The following CEP112 variants were observed in gnomAD, a reference collection of about 807,000 sequenced individuals.
CEP112 encodes centrosomal protein 112.
Under a neutral mutation model 153.0 loss-of-function variants are expected in CEP112, and 127 were observed. That is an observed-to-expected ratio of 0.83 (90% confidence interval 0.72 to 0.96). The LOEUF is 0.96. CEP112 is among the 40% of genes least tolerant of loss of function. The probability of loss-of-function intolerance (pLI) is 0.00; values close to 1 mark genes in which losing one functional copy is unlikely to be tolerated. For synonymous variants in CEP112, 358 were observed against 374.4 expected (o/e 0.96, Z 0.51); for missense variants, 1,089 against 1,101.2 (o/e 0.99, Z 0.16).
chr17:65,970,005 CAT>C lies in CEP112; in HGVS notation c.1737-8409_1737-8408del, dbSNP rs1344020556. ...TCACACGCATGTTACACACATATCA[CAT>C]GTGTATTGCGAACATGCACGCCACA... is the stretch of plus-strand genomic sequence containing the variant. On this transcript the variant is annotated intron_variant, in intron 17 of 26. Transcript: ENST00000535342. 8.5e-5 allele frequency among the ~76,000 whole-genome samples: 13 copies of C among 152,284 alleles called. No individual in the cohort carries two copies. In the East Asian group the frequency reaches 1.2e-3, roughly 14 times the overall value.
At chr17:66,049,944 G>A (rs2145905101) in intron 12 of CEP112, among the ~76,000 whole-genome samples, 1 of 152,154 alleles carries the variant, frequency 6.6e-6, no homozygotes, top group East Asian at 1.9e-4. Flanking sequence ...TATAGCATAA[G>A]ACCTAAGAGG....
At chr17:65,969,131 G>C (rs2062531031) in intron 17 of CEP112, among the ~76,000 whole-genome samples, 2 of 145,994 alleles carry the variant, frequency 1.4e-5, no homozygotes, top group Non-Finnish European at 1.5e-5. Context: ...ACCCCAGCTA[G>C]AGTGCAGTGG....
At chr17:65,860,511 T>G (rs938719249) in intron 20 of CEP112, among the ~76,000 whole-genome samples, 3 of 152,166 alleles carry the variant, frequency 2.0e-5, no homozygotes, top group Non-Finnish European at 4.4e-5. Flanking sequence ...TAACATAATG[T>G]TATCATAATC....
chr17:66,183,801 A>G (rs1189670231), intron 1 of CEP112, among the ~76,000 whole-genome samples: 3 of 152,180 alleles, frequency 2.0e-5, no homozygotes, highest in Non-Finnish European at 4.4e-5. Context: ...CCTAAACTTC[A>G]TCCTGTATAT....
At chr17:66,147,907 G>T (rs1210166631) in intron 4 of CEP112, among the ~76,000 whole-genome samples, 1 of 152,106 alleles carries the variant, frequency 6.6e-6, no homozygotes, top group Non-Finnish European at 1.5e-5. Flanking sequence ...GATAACAGTG[G>T]CTTTGCAGCA....
intron 18 of CEP112, among the ~76,000 whole-genome samples, chr17:65,946,930 A>G (rs1350988839): frequency 6.6e-6 from 1 of 152,162 alleles, no homozygotes; most frequent in African/African-American, 2.4e-5. Flanking sequence ...ATTCTTGGGT[A>G]AGTGATGCTT....
At position 66,175,729 on chromosome 17, in the gene CEP112, A is replaced by G. The variant is rs549425554; in HGVS notation, c.298-513T>C. On this transcript the variant is annotated intron_variant, in intron 3 of 26. Coordinates refer to ENST00000535342, the MANE Select transcript of CEP112 (RefSeq NM_001199165.4). ...CTGCTAACTAGCTGGGAAACCCAAG[A>G]GAGTTCTCTAAACTTTCACATTATT... Among the ~76,000 whole-genome samples the G allele has an allele frequency of 3.9e-4, 60 of 152,340 alleles. No individual in the cohort carries two copies. In the South Asian group the frequency reaches 0.012, roughly 30 times the overall value.
rs534159914 is a variant in CEP112 at position 65,644,587 on chromosome 17, C to T, written c.2698-3522G>A. 3.8e-5 allele frequency: 6 copies of T among 159,582 alleles called. No individual in the cohort carries two copies. In the South Asian group the frequency reaches 7.7e-4, roughly 20 times the overall value. 9.9% of individuals were successfully genotyped at this position (159,582 alleles called of 1,614,324 possible). A position where few individuals can be genotyped will look rare whatever the true frequency, so the allele number is the denominator to read the frequency against. ...TCTATAAGGAGCTCATGGGCAAAGA[C>T]GTTGATTTTGACTTTCCAGAATTTC... On this transcript the variant is annotated intron_variant, in intron 24 of 26. Coordinates refer to ENST00000535342, the MANE Select transcript of CEP112 (RefSeq NM_001199165.4).
chr17:65,687,464 C>T (rs1232292136), intron 24 of CEP112, among the ~76,000 whole-genome samples: 22 of 151,950 alleles, frequency 1.4e-4, no homozygotes, highest in Non-Finnish European at 1.5e-4. Context: ...CTGCGCCCGG[C>T]CTAGTTATTA....
chr17:65,922,868 TTTA>T (rs1403079022), intron 19 of CEP112, among the ~76,000 whole-genome samples: 7 of 152,148 alleles, frequency 4.6e-5, no homozygotes, highest in Non-Finnish European at 1.0e-4. Flanking sequence ...CCTTAATATT[TTTA>T]TTTACATTTG....
At chr17:65,818,984 A>G (rs188458270) in intron 21 of CEP112, among the ~76,000 whole-genome samples, 5 of 152,098 alleles carry the variant, frequency 3.3e-5, no homozygotes, top group Admixed American at 3.3e-4. Context: ...GAAGATGTTA[A>G]TTAACCATAT....
intron 24 of CEP112, among the ~76,000 whole-genome samples, chr17:65,680,458 C>T (rs962959071): frequency 6.6e-6 from 1 of 152,052 alleles, no homozygotes; most frequent in African/African-American, 2.4e-5. Flanking sequence ...AATTCTTCCT[C>T]CCTCCTTCTC....
intron 20 of CEP112, among the ~76,000 whole-genome samples, chr17:65,898,426 C>T (rs1437327559): frequency 6.6e-6 from 1 of 152,042 alleles, no homozygotes; most frequent in East Asian, 1.9e-4. Context: ...TAAAATTGTC[C>T]TATCAATATC....
chr17:65,959,611 T>A (rs73992149), intron 18 of CEP112, among the ~76,000 whole-genome samples: 9,836 of 152,276 alleles, frequency 0.065, 461 homozygotes, highest in African/African-American at 0.12. Context: ...GTGTGGTTCT[T>A]GGCTCCTCCT....
intron 23 of CEP112, among the ~76,000 whole-genome samples, chr17:65,739,196 G>T (rs1567942325): frequency 6.6e-6 from 1 of 152,172 alleles, no homozygotes; most frequent in Non-Finnish European, 1.5e-5. Flanking sequence ...ACCTCATGAG[G>T]CACCCCAGCC....
intron 24 of CEP112, among the ~76,000 whole-genome samples, chr17:65,653,435 G>T (rs1263917656): frequency 2.6e-5 from 4 of 152,170 alleles, no homozygotes; most frequent in Non-Finnish European, 5.9e-5. Flanking sequence ...AAGTGAGTTT[G>T]ACTGGTGGGT....
At chr17:66,102,214 T>C (rs1379330541) in intron 6 of CEP112, among the ~76,000 whole-genome samples, 1 of 152,168 alleles carries the variant, frequency 6.6e-6, no homozygotes, top group Non-Finnish European at 1.5e-5. Flanking sequence ...ACATCTACCA[T>C]GTGCCAGGTA....
chr17:65,989,882 A>T (rs1407997014), intron 17 of CEP112, among the ~76,000 whole-genome samples: 2 of 152,180 alleles, frequency 1.3e-5, no homozygotes, highest in African/African-American at 2.4e-5. Context: ...ATGTGGAGAG[A>T]TAAAGTATGT....
At chr17:66,183,099 C>T in intron 2 of CEP112, 95 bp downstream of exon 2, 1 of 816,304 alleles carries the variant, frequency 1.2e-6, no homozygotes, top group Non-Finnish European at 1.9e-6. Flanking sequence ...TAGAGAAATT[C>T]AGTTTTTCTT....
Sources: gnomAD v4.1 joint callset for allele counts (sites outside exome capture counted in the v4.1 genomes callset) on GRCh38, gnomAD v4.1.1 for gene constraint, MANE v1.5 for transcripts, NCBI Gene and HGNC (gene_info 2026-07-23, HGNC 2026-07-21) for gene names.